The following DDX19A variants were observed in gnomAD, a reference collection of about 807,000 sequenced individuals.
The protein encoded by DDX19A is ATP-dependent RNA helicase DDX19A.
DDX19A carries 12 observed loss-of-function variants against 60.6 expected under a neutral mutation model. The ratio of observed to expected loss-of-function variants is 0.20; its 90% CI spans 0.13 to 0.32. The LOEUF (loss-of-function observed/expected upper bound fraction) is 0.32. Among genes scored for constraint, DDX19A ranks in the 10% least tolerant of loss-of-function variants. DDX19A has a pLI of 1.00. For synonymous variants in DDX19A, 206 were observed against 218.2 expected (o/e 0.94, Z 0.49); for missense variants, 337 against 600.6 (o/e 0.56, Z 4.59).
intron 2 of DDX19A, among the ~76,000 whole-genome samples, chr16:70,354,951 A>G (rs1430470537): frequency 2.0e-5 from 3 of 152,016 alleles, no homozygotes; most frequent in East Asian, 1.9e-4. Context: ...GTAGTGAGCT[A>G]TGATTGCACC....
chr16:70,352,384 A>G (rs1964043380), intron 2 of DDX19A, among the ~76,000 whole-genome samples: 1 of 150,348 alleles, frequency 6.7e-6, no homozygotes, highest in African/African-American at 2.5e-5. Context: ...TCCCGGGTTC[A>G]AGCGATTCTC....
At chr16:70,366,965 G>A (rs1031252508) in intron 9 of DDX19A, 104 bp downstream of exon 9, 7 of 1,368,732 alleles carry the variant, frequency 5.1e-6, no homozygotes, top group East Asian at 2.3e-5. Context: ...AAGAAGGGAA[G>A]TGCTTTTTGA....
chr16:70,364,707 G>T, intron 6 of DDX19A, 62 bp downstream of exon 6: 1 of 1,267,900 alleles, frequency 7.9e-7, no homozygotes, highest in Non-Finnish European at 1.2e-6. Context: ...GTGCCATCTG[G>T]TGAGGAGTAA....
At chr16:70,370,696 C>CA (rs1210382807) in intron 10 of DDX19A, 5,887 of 208,752 alleles carry the variant, frequency 0.028, no homozygotes, top group Middle Eastern at 0.04. Flanking sequence ...ACTCTGTCTC[C>CA]AAAAAAAAAA....
rs34586665 is a variant in DDX19A, at chr16:70,371,876, G to T, written c.1376-49G>T. ...GAATGAATGATTGCTGTGGCCTGAG[G>T]TGGGGCACATTCCTGGGCAGGGTAG... On this transcript the variant is annotated intron_variant, in intron 11 of 11. Coordinates refer to ENST00000302243, the MANE Select transcript of DDX19A (RefSeq NM_018332.5). 6 of 1,613,754 alleles carry T rather than the reference G, an allele frequency of 3.7e-6. No homozygotes were observed. In the African/African-American group the frequency reaches 6.7e-5, roughly 18 times the overall value.
At position 70,361,487 on chromosome 16, in the gene DDX19A, A is replaced by G. The variant is rs908656374; in HGVS notation, c.363A>G (p.Ala121=). The G allele has an allele frequency of 6.2e-6, 10 of 1,612,524 alleles. No homozygotes were observed. The highest frequency in any genetic ancestry group is 2.2e-5 in the South Asian group (2 of 91,058). Reference sequence around the variant, plus strand: ...GACCCTCCAAGATACAAGAGAACGCATTACCCATGATGCTTGCTGAACCGT... The same window carrying G: ...GACCCTCCAAGATACAAGAGAACGCGTTACCCATGATGCTTGCTGAACCGT... ...FNRPSKIQEN[A]LPMMLAEPPQ... is the part of the protein sequence containing the mutation. Residue 121 remains alanine (A), a synonymous_variant, in exon 5 of 12, where the codon GCA becomes GCG. Coordinates refer to ENST00000302243, the MANE Select transcript of DDX19A (RefSeq NM_018332.5).
At chr16:70,357,339 A>G (rs1358041214) in intron 4 of DDX19A, among the ~76,000 whole-genome samples, 1 of 139,606 alleles carries the variant, frequency 7.2e-6, no homozygotes, top group Non-Finnish European at 1.5e-5. Flanking sequence ...TGCTTTTTAA[A>G]AAATCTGTCA....
Position 70,362,366 on chromosome 16 carries a change from G to C in DDX19A, c.386+856G>C, listed in dbSNP as rs1403625556. On this transcript the variant is annotated intron_variant, in intron 5 of 11. Coordinates refer to ENST00000302243, the MANE Select transcript of DDX19A (RefSeq NM_018332.5). ...AAAAAAAAAAAAAAAAAAAAAACTG[G>C]GTTTAAAAAATATTATTTTGATGTG... 2.7e-5 allele frequency among the ~76,000 whole-genome samples: 4 copies of C among 149,954 alleles called. No individual in the cohort carries two copies. In the Admixed American group the frequency reaches 2.7e-4, roughly 10 times the overall value.
At chr16:70,359,686 T>C (rs1405521907) in intron 4 of DDX19A, among the ~76,000 whole-genome samples, 2 of 151,848 alleles carry the variant, frequency 1.3e-5, no homozygotes, top group East Asian at 3.9e-4. Context: ...TGAAACCTTA[T>C]CTCTACAAAA....
At chr16:70,356,576 T>G (rs1473443278) in intron 4 of DDX19A, among the ~76,000 whole-genome samples, 4 of 152,052 alleles carry the variant, frequency 2.6e-5, no homozygotes, top group Non-Finnish European at 4.4e-5. Context: ...CAGGCTGGTC[T>G]TGAACTCCTG....
At chr16:70,364,258 C>T in intron 5 of DDX19A, 1 of 343,222 alleles carries the variant, frequency 2.9e-6, no homozygotes, top group African/African-American at 2.1e-5. Context: ...CTTGATTTCC[C>T]TGTGCCCCTT....
At chr16:70,348,051 A>G in intron 1 of DDX19A, 2 of 424,568 alleles carry the variant, frequency 4.7e-6, no homozygotes, top group Non-Finnish European at 9.3e-6. Context: ...GGATTTATTG[A>G]ACTACAGAGA....
intron 9 of DDX19A, among the ~76,000 whole-genome samples, chr16:70,367,431 A>G (rs181532035): frequency 1.1e-4 from 16 of 152,266 alleles, no homozygotes; most frequent in Admixed American, 4.6e-4. Flanking sequence ...CGTCTCAAAA[A>G]AAAAAAAAGT....
chr16:70,350,747 G>A, intron 2 of DDX19A, 142 bp downstream of exon 2: 1 of 576,680 alleles, frequency 1.7e-6, no homozygotes, highest in South Asian at 3.0e-5. Context: ...TGTTACTGAA[G>A]GGATATGTCG....
chr16:70,361,572 G>A (rs1260064021), intron 5 of DDX19A, 62 bp downstream of exon 5: 18 of 1,392,214 alleles, frequency 1.3e-5, no homozygotes, highest in Non-Finnish European at 1.5e-5. Context: ...CCCAAACTGC[G>A]TTTTTGTGCC....
At chr16:70,356,710 C>A in intron 4 of DDX19A, 2 of 294,538 alleles carry the variant, frequency 6.8e-6, no homozygotes, top group South Asian at 3.6e-5. Context: ...ATTCAAAAGT[C>A]AAAAAGTATG....
At chr16:70,364,803 T>C in intron 6 of DDX19A, 158 bp downstream of exon 6, 1 of 680,128 alleles carries the variant, frequency 1.5e-6, no homozygotes, top group Non-Finnish European at 2.5e-6. Flanking sequence ...GAGAATGTGC[T>C]TGAAAGCAGC....
chr16:70,367,439 A>AT (rs1964551436), intron 9 of DDX19A, among the ~76,000 whole-genome samples: 1 of 152,214 alleles, frequency 6.6e-6, no homozygotes, highest in South Asian at 2.1e-4. Flanking sequence ...AAAAAAAAAA[A>AT]GTTCAACAAG....
At chr16:70,366,583 C>T in intron 8 of DDX19A, 41 bp from the exon 9 acceptor site, 1 of 1,612,124 alleles carries the variant, frequency 6.2e-7, no homozygotes, top group African/African-American at 1.3e-5. Flanking sequence ...CGTTGCTTCC[C>T]AGGGCCACCT....
Sources: gnomAD v4.1 joint callset for allele counts (sites outside exome capture counted in the v4.1 genomes callset) on GRCh38, gnomAD v4.1.1 for gene constraint, MANE v1.5 for transcripts, NCBI Gene and HGNC (gene_info 2026-07-23, HGNC 2026-07-21) for gene names.